The following RP1 variants were observed in gnomAD, a reference collection of about 807,000 sequenced individuals.
RP1 encodes the protein oxygen-regulated protein 1.
In RP1, 16 loss-of-function variants were observed where a neutral mutation model predicts 14.8. The observed-to-expected ratio is 1.08, with a 90% confidence interval of 0.73 to 1.65. The LOEUF (loss-of-function observed/expected upper bound fraction) is 1.65. Ranked by LOEUF, RP1 falls within the 40% of genes most tolerant of loss-of-function variation. The probability of loss-of-function intolerance (pLI) is 0.00; values close to 1 mark genes in which losing one functional copy is unlikely to be tolerated. For missense variants in RP1, 2,631 were observed against 2,535.0 expected (o/e 1.04, Z -0.81); for synonymous variants, 876 against 883.6 (o/e 0.99, Z 0.15).
intron 1 of RP1, among the ~76,000 whole-genome samples, chr8:54,574,856 C>G (rs1021076122): frequency 1.3e-5 from 2 of 152,082 alleles, no homozygotes; most frequent in Admixed American, 1.3e-4. Context: ...TGTCTGGGGC[C>G]CTGCCACCTA....
intron 1 of RP1, among the ~76,000 whole-genome samples, chr8:54,608,109 C>G (rs1805505048): frequency 6.6e-6 from 1 of 151,962 alleles, no homozygotes. Context: ...GTTGGAAATG[C>G]AGAAATCACC....
chr8:54,848,639 A>G (rs1234906150), intron 25 of RP1, among the ~76,000 whole-genome samples: 2 of 152,260 alleles, frequency 1.3e-5, no homozygotes, highest in Admixed American at 6.5e-5. Context: ...ATGCAGTGGT[A>G]TTATAACAAA....
chr8:54,762,925 T>C (rs1199280927), intron 22 of RP1, among the ~76,000 whole-genome samples: 2 of 152,186 alleles, frequency 1.3e-5, no homozygotes, highest in African/African-American at 4.8e-5. Context: ...TGTCTCTGTA[T>C]TTCTTATCTT....
At chr8:54,606,133 A>G (rs1387313715) in intron 1 of RP1, among the ~76,000 whole-genome samples, 2 of 152,132 alleles carry the variant, frequency 1.3e-5, no homozygotes, top group Non-Finnish European at 2.9e-5. Context: ...GTTTCTTCCT[A>G]ACTTTGATGG....
chr8:54,653,164 G>C (rs1306786331), intron 5 of RP1, among the ~76,000 whole-genome samples: 2 of 152,148 alleles, frequency 1.3e-5, no homozygotes, highest in Non-Finnish European at 2.9e-5. Context: ...ATGACTAGCT[G>C]TATGTTATTT....
intron 27 of RP1, chr8:54,857,199 A>G: frequency 2.9e-6 from 1 of 347,444 alleles, no homozygotes; most frequent in Non-Finnish European, 5.0e-6. Flanking sequence ...TGTACAGGTC[A>G]TATAAAATTC....
At chr8:54,655,579 G>A (rs1434462957) in intron 5 of RP1, among the ~76,000 whole-genome samples, 2 of 152,204 alleles carry the variant, frequency 1.3e-5, no homozygotes, top group Admixed American at 6.5e-5. Flanking sequence ...TAAACCAAAA[G>A]TTAATTTCTA....
At chr8:54,674,277 T>A (rs762352335) in intron 8 of RP1, among the ~76,000 whole-genome samples, 39 of 152,118 alleles carry the variant, frequency 2.6e-4, no homozygotes, top group Admixed American at 6.6e-5. Context: ...CTGGTGGTGA[T>A]ATTCCTTGAA....
intron 25 of RP1, among the ~76,000 whole-genome samples, chr8:54,849,615 A>C (rs1420419850): frequency 2.0e-5 from 3 of 152,230 alleles, no homozygotes; most frequent in Non-Finnish European, 4.4e-5. Flanking sequence ...AATCATCATT[A>C]ACAAACACTT....
At chr8:54,844,699 C>T (rs1482662759) in intron 25 of RP1, among the ~76,000 whole-genome samples, 1 of 152,186 alleles carries the variant, frequency 6.6e-6, no homozygotes, top group Non-Finnish European at 1.5e-5. Flanking sequence ...AAAATATGAA[C>T]TATACATATT....
At chr8:54,681,983 G>A (rs1008204378) in intron 12 of RP1, among the ~76,000 whole-genome samples, 1 of 152,100 alleles carries the variant, frequency 6.6e-6, no homozygotes, top group African/African-American at 2.4e-5. Context: ...TTGCTATTGT[G>A]AATAGTGCTG....
chr8:54,663,752 G>C (rs1176503793), exon 7 of RP1: 1 of 1,535,024 alleles, frequency 6.5e-7, no homozygotes, highest in Non-Finnish European at 8.7e-7. Flanking sequence ...TGCTGGAACA[G>C]TAGCAAACGT....
At chr8:54,726,830 AT>A (rs1453160852) in intron 17 of RP1, among the ~76,000 whole-genome samples, 1 of 152,066 alleles carries the variant, frequency 6.6e-6, no homozygotes, top group Non-Finnish European at 1.5e-5. Flanking sequence ...AATGAAAAAA[AT>A]AATTTCTATT....
rs1206662820 is a variant in RP1 at position 54,626,990 on chromosome 8, T to G, written c.3108T>G (p.Thr1036=). The stretch of plus-strand genomic sequence containing the variant: ...AGTCAGCTATTAATGATCATAATAC[T>G]AAAAGTCATATAGCTGCTGAAAAAT... ...LSQSAINDHN[T]KSHIAAEKSG... is the part of the protein sequence containing the mutation. The change falls in exon 4 of 4, where the codon ACT becomes ACG. Residue 1036 remains threonine (T), a synonymous_variant. Transcript: ENST00000220676. 6.2e-7 allele frequency: 1 copy of G among 1,613,970 alleles called. No homozygotes were observed. The highest frequency in any genetic ancestry group is 2.2e-5 in the East Asian group (1 of 44,864).
At chr8:54,777,195 A>C (rs1184638184) in intron 23 of RP1, among the ~76,000 whole-genome samples, 2 of 152,190 alleles carry the variant, frequency 1.3e-5, no homozygotes, top group East Asian at 1.9e-4. Flanking sequence ...TCCAATAAAC[A>C]CTAGCTTTTA....
chr8:54,834,070 T>A (rs949657025), intron 24 of RP1, among the ~76,000 whole-genome samples: 1 of 151,772 alleles, frequency 6.6e-6, no homozygotes, highest in African/African-American at 2.4e-5. Flanking sequence ...CCTCAAGGAG[T>A]TAAGGGTCTA....
At chr8:54,614,917 A>G (rs114347159), upstream of RP1, among the ~76,000 whole-genome samples, 2,111 of 152,322 alleles carry the variant, frequency 0.014, 43 homozygotes, top group African/African-American at 0.047. Context: ...ATAGAATTAA[A>G]GATAAAGTCA....
In RP1 at chr8:54,625,171, T is replaced by G; in HGVS notation, c.1289T>G (p.Val430Gly). 1 of 1,614,148 alleles carries G rather than the reference T, an allele frequency of 6.2e-7. No homozygotes were observed. Reference sequence around the variant, plus strand: ...TCTGCTAGTTGGGAGAATGCTACTGTGGACACAGATATCATCCAGGGAACT... The same window carrying G: ...TCTGCTAGTTGGGAGAATGCTACTGGGGACACAGATATCATCCAGGGAACT... The part of the protein sequence containing the change: ...CSSASWENAT[V>G]DTDIIQGTQD... Residue 430 changes from valine to glycine, a missense_variant, in exon 4 of 4, where the codon GTG becomes GGG. Val to Gly is a moderately radical substitution (Grantham distance 109). Coordinates refer to ENST00000220676, the MANE Select transcript of RP1 (RefSeq NM_006269.2).
chr8:54,654,569 C>G (rs1806717481), intron 5 of RP1, among the ~76,000 whole-genome samples: 1 of 152,178 alleles, frequency 6.6e-6, no homozygotes, highest in Non-Finnish European at 1.5e-5. Flanking sequence ...CAGAATCACA[C>G]TTAACATGCA....
Sources: gnomAD v4.1 joint callset for allele counts (sites outside exome capture counted in the v4.1 genomes callset) on GRCh38, gnomAD v4.1.1 for gene constraint, MANE v1.5 for transcripts, NCBI Gene and HGNC (gene_info 2026-07-23, HGNC 2026-07-21) for gene names.